SERPINA12: variants seen among roughly 807,000 people sequenced by gnomAD.
SERPINA12 encodes serpin A12.
In SERPINA12, 21 loss-of-function variants were observed where a neutral mutation model predicts 25.9. The ratio of observed to expected loss-of-function variants is 0.81; its 90% CI spans 0.58 to 1.17. SERPINA12 has a LOEUF of 1.17. Ranked by LOEUF, SERPINA12 falls within the 50% of genes most tolerant of loss-of-function variation. SERPINA12 has a pLI of 0.00. For missense variants in SERPINA12, 562 were observed against 508.3 expected (o/e 1.11, Z -1.02); for synonymous variants, 220 against 196.0 (o/e 1.12, Z -1.02).
At chr14:94,496,026 C>T (rs1284762514) in intron 3 of SERPINA12, among the ~76,000 whole-genome samples, 2 of 152,172 alleles carry the variant, frequency 1.3e-5, no homozygotes, top group Non-Finnish European at 2.9e-5. Context: ...CTTTTACAGC[C>T]CGTGTTTGTC....
intron 3 of SERPINA12, among the ~76,000 whole-genome samples, chr14:94,493,524 G>A (rs1900264620): frequency 6.6e-6 from 1 of 152,198 alleles, no homozygotes; most frequent in Non-Finnish European, 1.5e-5. Context: ...AATGGAAGGA[G>A]GTGCCCTGGA....
chr14:94,510,087 A>G (rs1901070343), upstream of SERPINA12: 1 of 985,296 alleles, frequency 1.0e-6, no homozygotes, highest in East Asian at 1.1e-4. Flanking sequence ...TCTGGGTACC[A>G]GACATAGGTG....
At chr14:94,506,478 A>T (rs1484835031) in intron 1 of SERPINA12, among the ~76,000 whole-genome samples, 4 of 152,102 alleles carry the variant, frequency 2.6e-5, no homozygotes, top group Non-Finnish European at 5.9e-5. Flanking sequence ...TAGATGGGGC[A>T]CTCTTAAGCT....
chr14:94,505,180 G>A (rs1900888669), intron 1 of SERPINA12, among the ~76,000 whole-genome samples: 1 of 152,184 alleles, frequency 6.6e-6, no homozygotes, highest in Non-Finnish European at 1.5e-5. Flanking sequence ...CCCTTCCTTT[G>A]GGTTGCTGCT....
intron 1 of SERPINA12, among the ~76,000 whole-genome samples, chr14:94,506,585 C>G (rs1160262455): frequency 6.6e-6 from 1 of 152,220 alleles, no homozygotes; most frequent in Non-Finnish European, 1.5e-5. Context: ...AGTGAACAAT[C>G]TAATGCCTCC....
rs752812273 is a variant in SERPINA12, at chr14:94,496,537, G to T, written c.741C>A (p.Tyr247Ter). 6.2e-6 allele frequency: 10 copies of T among 1,613,840 alleles called. No individual in the cohort carries two copies. The highest frequency in any genetic ancestry group is 8.5e-6 in the Non-Finnish European group (10 of 1,179,990). ...AGAGCTTATCGTCATAGCCAACTTG[G>T]TATATGCCACTACGGAACATCATGG... ...KVPMMFRSGI[Y>*]QVGYDDKLSC... Residue 247 changes from tyrosine (Y) to a stop codon, truncating the protein, a stop_gained, in exon 3 of 5, where the codon TAC (tyrosine) becomes TAA (stop). Transcript: ENST00000677451. LOFTEE classifies it high-confidence loss of function.
At chr14:94,496,292 A>T (rs1402377547) in intron 3 of SERPINA12, 81 bp downstream of exon 3, 1 of 1,419,694 alleles carries the variant, frequency 7.0e-7, no homozygotes, top group Non-Finnish European at 9.8e-7. Flanking sequence ...GGACTTGGCC[A>T]TGAGGTAAGA....
At chr14:94,488,867 G>T (rs1900016584) in intron 4 of SERPINA12, among the ~76,000 whole-genome samples, 1 of 152,194 alleles carries the variant, frequency 6.6e-6, no homozygotes, top group South Asian at 2.1e-4. Context: ...GGCCAAGGTG[G>T]GTGGATGACC....
rs1900421009 is a variant in SERPINA12 at position 94,496,408 on chromosome 14, G to A, written c.870C>T (p.Asp290=). ...GTAATGTTTTCCATCTGGAGAAAGT[G>A]TCCACCTGCAATCCCTTCTCCAAGT... ...LKHLEKGLQV[D]TFSRWKTLLS... Residue 290 remains aspartate, a synonymous_variant, in exon 3 of 5, where the codon GAC becomes GAT. Transcript: ENST00000677451. 1 of 1,614,048 alleles carries A rather than the reference G, an allele frequency of 6.2e-7. No homozygotes were observed. Among genetic ancestry groups the A allele is most frequent in the African/African-American group, 1.3e-5 (1 of 74,896 alleles).
At chr14:94,491,107 G>A (rs556239628) in intron 3 of SERPINA12, among the ~76,000 whole-genome samples, 1 of 152,228 alleles carries the variant, frequency 6.6e-6, no homozygotes, top group East Asian at 1.9e-4. Flanking sequence ...AATCTCTACT[G>A]TATACCAGGT....
intron 1 of SERPINA12, among the ~76,000 whole-genome samples, chr14:94,505,835 A>T (rs1375779150): frequency 6.6e-6 from 1 of 152,226 alleles, no homozygotes; most frequent in Non-Finnish European, 1.5e-5. Flanking sequence ...GAGTTCAGAC[A>T]GTGCCAGAGG....
intron 1 of SERPINA12, among the ~76,000 whole-genome samples, chr14:94,505,994 G>A (rs1428841873): frequency 6.6e-6 from 1 of 152,232 alleles, no homozygotes; most frequent in Non-Finnish European, 1.5e-5. Flanking sequence ...ATAGGCATGG[G>A]AGGGAGCAGC....
At chr14:94,509,701 C>A (rs2139864925), upstream of SERPINA12, among the ~76,000 whole-genome samples, 1 of 152,336 alleles carries the variant, frequency 6.6e-6, no homozygotes, top group South Asian at 2.1e-4. Flanking sequence ...GGGCACTGTG[C>A]TAGGTACACC....
chr14:94,490,762 G>A (rs1192346069), intron 3 of SERPINA12, among the ~76,000 whole-genome samples: 4 of 152,050 alleles, frequency 2.6e-5, no homozygotes, highest in African/African-American at 7.2e-5. Context: ...ACTCTTTCCA[G>A]AGTCACCGTT....
chr14:94,499,939 G>C lies in SERPINA12; in HGVS notation c.-33-1509C>G, dbSNP rs116168599. Among the ~76,000 whole-genome samples the C allele has an allele frequency of 2.8e-3, 419 of 152,300 alleles. 1 individual carries two copies. The highest frequency in any genetic ancestry group is 9.6e-3 in the African/African-American group (399 of 41,560). On this transcript the variant is annotated intron_variant, in intron 1 of 4. Transcript: ENST00000677451. ...TCAGCCAAGGACAATTTTCTGGAGA[G>C]GGGAGGGCAGTTGTGAGCTGTCAGC...
At position 94,496,594 on chromosome 14, in the gene SERPINA12, G is replaced by A. The variant is rs34365882; in HGVS notation, c.684C>T (p.Phe228=). ...FDPNVTKEED[F]FLEKNSSVKV... ...TGACTGAACTGTTTTTCTCCAGAAA[G>A]AAATCTTCCTCTTTAGTTACATTTG... is the stretch of plus-strand genomic sequence containing the variant. The change falls in exon 3 of 5, where the codon TTC becomes TTT. Residue 228 remains phenylalanine, a synonymous_variant. Transcript: ENST00000677451. 13 of 1,613,896 alleles carry A rather than the reference G, an allele frequency of 8.1e-6. No individual in the cohort carries two copies. The highest frequency in any genetic ancestry group is 1.1e-5 in the Non-Finnish European group (13 of 1,179,902).
intron 1 of SERPINA12, among the ~76,000 whole-genome samples, chr14:94,502,377 C>T (rs946419137): frequency 6.6e-6 from 1 of 152,174 alleles, no homozygotes; most frequent in African/African-American, 2.4e-5. Context: ...AAGGGGTTTC[C>T]CTGTGGGAGG....
chr14:94,511,135 C>T (rs112180278), upstream of SERPINA12, among the ~76,000 whole-genome samples: 3,822 of 152,176 alleles, frequency 0.025, 60 homozygotes, highest in African/African-American at 0.046. Context: ...GAAGGAAAAT[C>T]GCAAACTGCA....
chr14:94,512,793 AC>A (rs1595702163), upstream of SERPINA12, among the ~76,000 whole-genome samples: 1 of 152,216 alleles, frequency 6.6e-6, no homozygotes, highest in African/African-American at 2.4e-5. Context: ...TTATCTGTTC[AC>A]ATCTAACTAC....
Sources: allele counts gnomAD v4.1 joint callset (sites outside exome capture counted in the v4.1 genomes callset), GRCh38; gene constraint gnomAD v4.1.1; transcripts MANE v1.5; gene names NCBI Gene and HGNC (gene_info 2026-07-23, HGNC 2026-07-21).